Variants in EPB41L5 observed in about 807,000 individuals in gnomAD.
EPB41L5 encodes erythrocyte membrane protein band 4.1 like 5.
A neutral mutation model predicts 106.6 loss-of-function variants in EPB41L5; 55 were observed. That is an observed-to-expected ratio of 0.52 (90% CI 0.42 to 0.65). EPB41L5 has a LOEUF of 0.65. Ranked by LOEUF, EPB41L5 falls within the 30% of genes least tolerant of loss-of-function variation. The pLI is 0.00. For synonymous variants in EPB41L5, 297 were observed against 306.7 expected, an observed-to-expected ratio of 0.97 and a Z score of 0.33; for missense variants, 871 against 882.1, an observed-to-expected ratio of 0.99 and a Z score of 0.16.
intron 19 of EPB41L5, among the ~76,000 whole-genome samples, chr2:120,144,477 G>A (rs1686315616): frequency 6.6e-6 from 1 of 152,122 alleles, no homozygotes. Flanking sequence ...GATCTTTCTT[G>A]ACTTGAGGAA....
chr2:120,063,965 C>G (rs1681270756), intron 3 of EPB41L5, among the ~76,000 whole-genome samples: 1 of 150,814 alleles, frequency 6.6e-6, no homozygotes, highest in Non-Finnish European at 1.5e-5. Flanking sequence ...AAAAAAGAAA[C>G]AAAAATCCTT....
At chr2:120,104,135 C>A in intron 16 of EPB41L5, 1 of 1,536,040 alleles carries the variant, frequency 6.5e-7, no homozygotes, top group South Asian at 1.2e-5. Flanking sequence ...CACCCCAGAC[C>A]GCACATAGAA....
At chr2:120,029,366 T>C (rs1217799778) in intron 2 of EPB41L5, among the ~76,000 whole-genome samples, 1 of 152,158 alleles carries the variant, frequency 6.6e-6, no homozygotes, top group Admixed American at 6.6e-5. Flanking sequence ...TTTAGTATTG[T>C]ATATACAATA....
intron 24 of EPB41L5, among the ~76,000 whole-genome samples, chr2:120,174,586 T>C (rs1687852655): frequency 6.6e-6 from 1 of 152,206 alleles, no homozygotes; most frequent in Non-Finnish European, 1.5e-5. Context: ...TGGTTAAGTG[T>C]GTGTTTAACA....
At chr2:120,036,601 A>G (rs892501729) in intron 2 of EPB41L5, among the ~76,000 whole-genome samples, 22 of 152,320 alleles carry the variant, frequency 1.4e-4, no homozygotes, top group African/African-American at 5.3e-4. Flanking sequence ...ATCTTTGTGT[A>G]TATAGTAGAA....
chr2:120,029,560 G>A (rs1407231823), intron 2 of EPB41L5, among the ~76,000 whole-genome samples: 1 of 152,110 alleles, frequency 6.6e-6, no homozygotes, highest in Admixed American at 6.5e-5. Flanking sequence ...GAAAGCTGAT[G>A]AAAAGATAAT....
At chr2:120,126,387 A>G (rs904911616) in intron 16 of EPB41L5, among the ~76,000 whole-genome samples, 1 of 152,166 alleles carries the variant, frequency 6.6e-6, no homozygotes, top group African/African-American at 2.4e-5. Flanking sequence ...CCAAAGTCAC[A>G]AAGATTTTTT....
At chr2:120,147,274 A>G (rs1473441661) in intron 20 of EPB41L5, among the ~76,000 whole-genome samples, 4 of 152,190 alleles carry the variant, frequency 2.6e-5, no homozygotes, top group Non-Finnish European at 5.9e-5. Flanking sequence ...TCGTGAGCCC[A>G]GGAGTTTGAG....
chr2:120,024,755 G>A (rs566847334), intron 2 of EPB41L5, among the ~76,000 whole-genome samples: 7 of 152,044 alleles, frequency 4.6e-5, no homozygotes, highest in Non-Finnish European at 8.8e-5. Context: ...CACCACGCCC[G>A]GCCAATCCTG....
In EPB41L5 at chr2:120,074,175, C is replaced by T. The variant is rs754011517; in HGVS notation, c.404C>T (p.Thr135Ile). 6.2e-7 allele frequency: 1 copy of T among 1,608,552 alleles called. No homozygotes were observed. The highest frequency in any genetic ancestry group is 2.2e-5 in the East Asian group (1 of 44,790). Residue 135 changes from threonine (T) to isoleucine (I), a missense_variant, in exon 5 of 25, where the codon ACC (threonine) becomes ATC (isoleucine). By Grantham distance (89) the Thr-to-Ile change is moderately conservative. Transcript: ENST00000263713. ...SEPNNLREEL[T>I]RYLFVLQLKQ... is the part of the protein sequence containing the mutation. ...CCAAATAACCTTCGTGAGGAGCTAA[C>T]CCGGTAAGAACACCATCTAGAATTG...
rs576480639 is a variant in EPB41L5 at position 120,091,097 on chromosome 2, TAAG to T, written c.1044-457_1044-455del. 1.7e-3 allele frequency among the ~76,000 whole-genome samples: 257 copies of T among 152,252 alleles called. 3 individuals are homozygous for T. Among genetic ancestry groups the T allele is most frequent in the African/African-American group, 5.8e-3 (242 of 41,562 alleles). Reference sequence around the variant, plus strand: ...TACTGTAGTCTACTTATATTAAAAGTAAGGAGGCATTTTCTAAACAGAATTTAA... The same window carrying T: ...TACTGTAGTCTACTTATATTAAAAGTGAGGCATTTTCTAAACAGAATTTAA... On this transcript the variant is annotated intron_variant, in intron 12 of 24. Transcript: ENST00000263713.
chr2:120,066,053 G>A lies in EPB41L5; in HGVS notation c.286-7125G>A, dbSNP rs1681422991. On this transcript the variant is annotated intron_variant, in intron 3 of 24. Coordinates refer to ENST00000263713, the MANE Select transcript of EPB41L5 (RefSeq NM_020909.4). ...GAGAAACCAGTAACATCTTGGGGAG[G>A]AGGAGTGCCTGTGTTATGGGGTGTG... is the stretch of plus-strand genomic sequence containing the variant. 2.0e-5 allele frequency among the ~76,000 whole-genome samples: 3 copies of A among 152,036 alleles called. No homozygotes were observed. The South Asian group carries it at 6.2e-4, about 32-fold the overall frequency.
chr2:120,066,489 A>G (rs1468142361), intron 3 of EPB41L5, among the ~76,000 whole-genome samples: 3 of 152,208 alleles, frequency 2.0e-5, no homozygotes, highest in East Asian at 1.9e-4. Context: ...ATAGTGCTCT[A>G]TTATATTAAA....
chr2:120,020,149 G>C (rs1051135377), intron 2 of EPB41L5, among the ~76,000 whole-genome samples: 2 of 152,122 alleles, frequency 1.3e-5, no homozygotes, highest in African/African-American at 4.8e-5. Context: ...TTTGATGTGA[G>C]CTTCATAGGA....
At chr2:120,105,118 T>A (rs930649198) in intron 16 of EPB41L5, 1 of 978,168 alleles carries the variant, frequency 1.0e-6, no homozygotes, top group African/African-American at 1.8e-5. Flanking sequence ...CAAAACCATA[T>A]GATTTTTAGA....
chr2:120,143,604 A>C (rs752732315), intron 19 of EPB41L5, among the ~76,000 whole-genome samples: 1 of 152,086 alleles, frequency 6.6e-6, no homozygotes, highest in Non-Finnish European at 1.5e-5. Flanking sequence ...GTGACTTTCA[A>C]ACTTACATTC....
At chr2:120,051,496 C>A (rs113230809) in intron 3 of EPB41L5, among the ~76,000 whole-genome samples, 3 of 152,176 alleles carry the variant, frequency 2.0e-5, no homozygotes, top group African/African-American at 7.2e-5. Flanking sequence ...TTGCTAAGAC[C>A]GTTGGAAAAG....
chr2:120,051,269 C>T (rs1288381120), intron 3 of EPB41L5, among the ~76,000 whole-genome samples: 1 of 152,214 alleles, frequency 6.6e-6, no homozygotes, highest in Non-Finnish European at 1.5e-5. Context: ...TCTACAGAGG[C>T]AGGCAGGCCT....
rs896948124 is a variant in EPB41L5, at chr2:120,070,059, A to G, written c.286-3119A>G. Among the ~76,000 whole-genome samples, 59 of 152,200 alleles carry G rather than the reference A, an allele frequency of 3.9e-4. 1 individual carries two copies. The highest frequency in any genetic ancestry group is 1.5e-5 in the Non-Finnish European group (1 of 67,966). Reference sequence around the variant, plus strand: ...GTAAAGAGCTCCTGAAGGAAGCTCTATTTTAACAAAATAGATAGACCACTA... The same window carrying G: ...GTAAAGAGCTCCTGAAGGAAGCTCTGTTTTAACAAAATAGATAGACCACTA... On this transcript the variant is annotated intron_variant, in intron 3 of 24. Coordinates refer to ENST00000263713, the MANE Select transcript of EPB41L5 (RefSeq NM_020909.4).
Sources: gnomAD v4.1 joint callset for allele counts (sites outside exome capture counted in the v4.1 genomes callset) on GRCh38, gnomAD v4.1.1 for gene constraint, MANE v1.5 for transcripts, NCBI Gene and HGNC (gene_info 2026-07-23, HGNC 2026-07-21) for gene names.